The following LRRC4C variants were observed in gnomAD, a reference collection of about 807,000 sequenced individuals.
LRRC4C encodes the protein leucine rich repeat containing 4C.
LRRC4C carries 5 observed loss-of-function variants against 33.6 expected under a neutral mutation model. The ratio of observed to expected loss-of-function variants is 0.15; its 90% CI spans 0.08 to 0.31. The LOEUF is 0.31. Among genes scored for constraint, LRRC4C ranks in the 10% least tolerant of loss-of-function variants. The pLI is 1.00. For synonymous variants in LRRC4C, 329 were observed against 302.0 expected (o/e 1.09, Z -0.93); for missense variants, 560 against 796.7 (o/e 0.70, Z 3.58).
intron 1 of LRRC4C, among the ~76,000 whole-genome samples, chr11:41,449,511 C>G (rs1360752013): frequency 6.6e-6 from 1 of 152,046 alleles, no homozygotes; most frequent in Admixed American, 6.6e-5. Flanking sequence ...CTGAAAATCA[C>G]TAACTACTGT....
intron 1 of LRRC4C, among the ~76,000 whole-genome samples, chr11:40,957,523 C>T (rs1959012247): frequency 6.6e-6 from 1 of 151,728 alleles, no homozygotes; most frequent in Admixed American, 6.6e-5. Flanking sequence ...CTATGTTCAA[C>T]ATTACTTAAA....
At position 40,159,784 on chromosome 11, in the gene LRRC4C, T is replaced by A. The variant is rs559178674; in HGVS notation, c.-95-18931A>T. On this transcript the variant is annotated intron_variant, in intron 5 of 6. Transcript: ENST00000528697. ...TCACTTTTACCTCCTTTCCCTGAAA[T>A]TACATTATATGTTTATTTGTTTCCT... 2.4e-4 allele frequency among the ~76,000 whole-genome samples: 37 copies of A among 152,328 alleles called. No individual in the cohort carries two copies. The South Asian group carries it at 3.7e-3, about 15-fold the overall frequency.
intron 2 of LRRC4C, among the ~76,000 whole-genome samples, chr11:40,833,461 T>C (rs1952510433): frequency 6.6e-6 from 1 of 152,154 alleles, no homozygotes; most frequent in Admixed American, 6.5e-5. Flanking sequence ...AAAACTAATA[T>C]AAAAAGTATC....
In LRRC4C at chr11:41,209,644, C is replaced by CAA. The variant is rs34559903; in HGVS notation, c.-496+249785_-496+249786dup. Among the ~76,000 whole-genome samples the CAA allele has an allele frequency of 3.7e-3, 428 of 115,628 alleles. 3 individuals carry two copies. Among genetic ancestry groups the CAA allele is most frequent in the African/African-American group, 0.011 (346 of 30,838 alleles). The allele number at this position is 115,628 out of a possible 152,430, so 75.9% of individuals were successfully genotyped here. On this transcript the variant is annotated intron_variant, in intron 1 of 6. Coordinates refer to ENST00000528697, the MANE Select transcript of LRRC4C (RefSeq NM_001258419.2). Reference sequence around the variant, plus strand: ...TGGGCAACAGAGTGAGACTCTGTCTCAAAAAAAAAAAAAAATTAAAGAGAA... The same window carrying CAA: ...TGGGCAACAGAGTGAGACTCTGTCTCAAAAAAAAAAAAAAAAATTAAAGAGAA...
intron 1 of LRRC4C, among the ~76,000 whole-genome samples, chr11:41,201,043 A>G (rs1946381125): frequency 6.6e-6 from 1 of 152,202 alleles, no homozygotes; most frequent in African/African-American, 2.4e-5. Context: ...CAATGTTTTA[A>G]GATGGAGAAA....
At chr11:40,182,775 T>C (rs1861109905) in intron 5 of LRRC4C, among the ~76,000 whole-genome samples, 1 of 152,238 alleles carries the variant, frequency 6.6e-6, no homozygotes, top group African/African-American at 2.4e-5. Flanking sequence ...TATGTGTTTT[T>C]CAGCTTTATC....
At chr11:40,338,622 C>T (rs369558795) in intron 3 of LRRC4C, among the ~76,000 whole-genome samples, 13 of 152,246 alleles carry the variant, frequency 8.5e-5, no homozygotes, top group South Asian at 6.2e-4. Flanking sequence ...ACACTAATCT[C>T]GTTCCTCAGA....
chr11:41,302,309 G>A (rs540600152), intron 1 of LRRC4C, among the ~76,000 whole-genome samples: 133 of 152,280 alleles, frequency 8.7e-4, no homozygotes, highest in African/African-American at 3.1e-3. Context: ...AGGGATACAT[G>A]CATTACTCAG....
At chr11:41,270,147 A>G (rs12279287) in intron 1 of LRRC4C, among the ~76,000 whole-genome samples, 19,080 of 152,098 alleles carry the variant, frequency 0.13, 1,339 homozygotes, top group Middle Eastern at 0.24. Flanking sequence ...TGGAAATTCA[A>G]TAACTGAAAA....
chr11:41,435,723 C>T (rs960187806), intron 1 of LRRC4C, among the ~76,000 whole-genome samples: 5 of 152,050 alleles, frequency 3.3e-5, no homozygotes, highest in African/African-American at 1.2e-4. Flanking sequence ...TCATCATTTC[C>T]CAAGTGGGTT....
At chr11:41,123,252 CTA>C (rs1942537868) in intron 1 of LRRC4C, among the ~76,000 whole-genome samples, 1 of 131,362 alleles carries the variant, frequency 7.6e-6, no homozygotes, top group Non-Finnish European at 1.6e-5. Context: ...CTATCCTGAG[CTA>C]TGTTTTGTTT....
chr11:40,195,952 A>G (rs1862228725), intron 5 of LRRC4C, among the ~76,000 whole-genome samples: 1 of 152,216 alleles, frequency 6.6e-6, no homozygotes, highest in African/African-American at 2.4e-5. Context: ...AATAATCTAT[A>G]TAGTGTCCAA....
At chr11:40,207,840 G>A (rs1446940986) in intron 5 of LRRC4C, among the ~76,000 whole-genome samples, 2 of 152,072 alleles carry the variant, frequency 1.3e-5, no homozygotes, top group Non-Finnish European at 2.9e-5. Flanking sequence ...TGAAAAATTA[G>A]ACTTAAGCTT....
At chr11:40,638,770 GT>G (rs34192633) in intron 3 of LRRC4C, among the ~76,000 whole-genome samples, 1,902 of 138,802 alleles carry the variant, frequency 0.014, 33 homozygotes, top group African/African-American at 0.044. Context: ...AATTGGTCGA[GT>G]TTTTTTTTTT....
At chr11:40,978,099 C>G (rs1852215922) in intron 1 of LRRC4C, among the ~76,000 whole-genome samples, 1 of 152,202 alleles carries the variant, frequency 6.6e-6, no homozygotes, top group South Asian at 2.1e-4. Flanking sequence ...CTTTCTTCAA[C>G]TCTTTAGTCT....
intron 3 of LRRC4C, among the ~76,000 whole-genome samples, chr11:40,415,221 G>T (rs983788185): frequency 6.6e-6 from 1 of 152,122 alleles, no homozygotes; most frequent in Non-Finnish European, 1.5e-5. Context: ...AGTTCAGAGC[G>T]CCATAACAAG....
At chr11:41,206,651 G>T (rs1413762324) in intron 1 of LRRC4C, among the ~76,000 whole-genome samples, 4 of 152,134 alleles carry the variant, frequency 2.6e-5, no homozygotes, top group African/African-American at 7.2e-5. Context: ...GGCTTTGCAA[G>T]GACACAGTTT....
At chr11:40,424,115 T>C (rs117422610) in intron 3 of LRRC4C, among the ~76,000 whole-genome samples, 5 of 152,328 alleles carry the variant, frequency 3.3e-5, no homozygotes, top group Non-Finnish European at 5.9e-5. Context: ...TACAGAGTCA[T>C]AGAAATCACC....
intron 2 of LRRC4C, among the ~76,000 whole-genome samples, chr11:40,890,290 A>C (rs1955644268): frequency 6.6e-6 from 1 of 152,188 alleles, no homozygotes; most frequent in Non-Finnish European, 1.5e-5. Context: ...AAGTACTGGC[A>C]CCTGGTCAGG....
Sources: gnomAD v4.1 joint callset for allele counts (sites outside exome capture counted in the v4.1 genomes callset) on GRCh38, gnomAD v4.1.1 for gene constraint, MANE v1.5 for transcripts, NCBI Gene and HGNC (gene_info 2026-07-23, HGNC 2026-07-21) for gene names.